MPPED2: variants seen among roughly 807,000 people sequenced by gnomAD.
MPPED2 encodes metallophosphoesterase MPPED2.
In MPPED2, 5 loss-of-function variants were observed where a neutral mutation model predicts 33.0. That is an observed-to-expected ratio of 0.15 (90% confidence interval 0.08 to 0.32). The LOEUF (loss-of-function observed/expected upper bound fraction) is 0.32. Ranked by LOEUF, MPPED2 falls within the 10% of genes least tolerant of loss-of-function variation. The probability of loss-of-function intolerance (pLI) is 1.00; values close to 1 mark genes in which losing one functional copy is unlikely to be tolerated. For synonymous variants in MPPED2, 136 were observed against 141.9 expected (o/e 0.96, Z 0.29); for missense variants, 275 against 372.1 (o/e 0.74, Z 2.15).
intron 4 of MPPED2, among the ~76,000 whole-genome samples, chr11:30,453,693 A>C (rs1950160219): frequency 6.6e-6 from 1 of 152,192 alleles, no homozygotes; most frequent in Admixed American, 6.5e-5. Context: ...TGATTTCAAA[A>C]TGGTAGATCT....
intron 3 of MPPED2, among the ~76,000 whole-genome samples, chr11:30,497,815 G>C (rs562818953): frequency 1.3e-5 from 2 of 151,944 alleles, no homozygotes; most frequent in Non-Finnish European, 2.9e-5. Context: ...AGCATAAAAA[G>C]GTAGCCACCA....
intron 2 of MPPED2, among the ~76,000 whole-genome samples, chr11:30,573,021 C>T (rs1415662976): frequency 2.6e-5 from 4 of 152,084 alleles, no homozygotes; most frequent in South Asian, 2.1e-4. Context: ...TTAGTGATCA[C>T]GACAGGACTA....
chr11:30,481,704 G>A (rs1254973407), intron 4 of MPPED2, among the ~76,000 whole-genome samples: 1 of 152,110 alleles, frequency 6.6e-6, no homozygotes. Flanking sequence ...AAGTACCAGG[G>A]TGTCACATTC....
chr11:30,521,188 T>G (rs1282772941), intron 3 of MPPED2, among the ~76,000 whole-genome samples: 4 of 152,172 alleles, frequency 2.6e-5, no homozygotes, highest in African/African-American at 9.7e-5. Flanking sequence ...TCATTGTATA[T>G]TCTTCATTTT....
At chr11:30,455,614 G>A (rs1368768342) in intron 4 of MPPED2, among the ~76,000 whole-genome samples, 1 of 152,206 alleles carries the variant, frequency 6.6e-6, no homozygotes, top group Non-Finnish European at 1.5e-5. Flanking sequence ...GCCAAAAGGT[G>A]GCTTCTACAA....
intron 4 of MPPED2, chr11:30,452,002 T>C: frequency 2.3e-5 from 23 of 985,420 alleles, no homozygotes; most frequent in Non-Finnish European, 2.8e-5. Context: ...CGTAAAACGA[T>C]TCCCATTTCC....
intron 4 of MPPED2, among the ~76,000 whole-genome samples, chr11:30,433,377 A>G (rs1454626519): frequency 6.6e-6 from 1 of 152,216 alleles, no homozygotes; most frequent in Non-Finnish European, 1.5e-5. Context: ...GGCTATTCAT[A>G]AGAGCTAACA....
At chr11:30,505,897 C>T (rs1307638279) in intron 3 of MPPED2, among the ~76,000 whole-genome samples, 3 of 152,120 alleles carry the variant, frequency 2.0e-5, no homozygotes, top group African/African-American at 7.2e-5. Context: ...ATAATTTTAG[C>T]TTCACAATAC....
At chr11:30,438,834 T>A (rs1282879579) in intron 4 of MPPED2, among the ~76,000 whole-genome samples, 1 of 152,200 alleles carries the variant, frequency 6.6e-6, no homozygotes, top group Non-Finnish European at 1.5e-5. Context: ...AAGTGAATCA[T>A]CTGCCACCCT....
chr11:30,576,630 T>C (rs377720675), intron 2 of MPPED2, among the ~76,000 whole-genome samples: 29 of 152,196 alleles, frequency 1.9e-4, no homozygotes, highest in African/African-American at 7.0e-4. Context: ...CAGACCTACA[T>C]TGGCTCCTTC....
At chr11:30,561,378 T>C (rs551886063) in intron 2 of MPPED2, among the ~76,000 whole-genome samples, 1 of 152,286 alleles carries the variant, frequency 6.6e-6, no homozygotes, top group East Asian at 1.9e-4. Flanking sequence ...ATAGTTCAAC[T>C]TAATGTGAAG....
At chr11:30,532,203 C>T (rs1386162352) in intron 3 of MPPED2, among the ~76,000 whole-genome samples, 1 of 152,174 alleles carries the variant, frequency 6.6e-6, no homozygotes, top group Non-Finnish European at 1.5e-5. Context: ...CCATCCTGCC[C>T]CATCCAAATT....
rs1948071874 is a variant in MPPED2, at chr11:30,410,725, C to T, written c.*743G>A. 1 of 983,778 alleles carries T rather than the reference C, an allele frequency of 1.0e-6. No homozygotes were observed. The highest frequency in any genetic ancestry group is 1.7e-5 in the African/African-American group (1 of 57,176). 60.9% of individuals were successfully genotyped at this position (983,778 alleles called of 1,614,324 possible). ...CAAAAAATACTTATATATATAAACC[C>T]ATATTGAAAAGGAGTCTGCATGTTC... On this transcript the variant is annotated 3_prime_UTR_variant, in exon 7 of 7. Coordinates refer to ENST00000358117, the MANE Select transcript of MPPED2 (RefSeq NM_001584.3).
chr11:30,425,604 TCTTGGTGGA>T (rs1180038883), intron 4 of MPPED2: 1 of 152,142 alleles, frequency 6.6e-6, no homozygotes, highest in Non-Finnish European at 1.5e-5. Context: ...AGGACTTCTG[TCTTGGTGGA>T]CAGGTGAGGC....
chr11:30,564,247 C>T (rs1163604492), intron 2 of MPPED2, among the ~76,000 whole-genome samples: 1 of 152,088 alleles, frequency 6.6e-6, no homozygotes, highest in Admixed American at 6.6e-5. Context: ...TCATGTATAT[C>T]TATCCATTCA....
intron 6 of MPPED2, 133 bp downstream of exon 6, chr11:30,414,095 C>T: frequency 1.6e-6 from 1 of 637,002 alleles, no homozygotes; most frequent in Non-Finnish European, 2.9e-6. Flanking sequence ...AGATGTTTCT[C>T]ATAAGACTTC....
At chr11:30,507,210 A>T (rs529982950) in intron 3 of MPPED2, among the ~76,000 whole-genome samples, 91 of 152,358 alleles carry the variant, frequency 6.0e-4, no homozygotes, top group Non-Finnish European at 5.9e-5. Context: ...AAATGCTAGA[A>T]AATGCAATTA....
intron 4 of MPPED2, among the ~76,000 whole-genome samples, chr11:30,482,751 A>C (rs1951547874): frequency 6.7e-6 from 1 of 148,544 alleles, no homozygotes; most frequent in Non-Finnish European, 1.5e-5. Context: ...CAAAGCAAAA[A>C]TGCATTCATA....
intron 6 of MPPED2, among the ~76,000 whole-genome samples, chr11:30,398,400 G>A (rs900950888): frequency 5.9e-5 from 9 of 152,096 alleles, no homozygotes; most frequent in Admixed American, 3.3e-4. Flanking sequence ...TGGGGTTACC[G>A]TTTATTAGAT....
Sources: gnomAD v4.1 joint callset for allele counts (sites outside exome capture counted in the v4.1 genomes callset) on GRCh38, gnomAD v4.1.1 for gene constraint, MANE v1.5 for transcripts, NCBI Gene and HGNC (gene_info 2026-07-23, HGNC 2026-07-21) for gene names.